The following WEE2 variants were observed in gnomAD, a reference collection of about 807,000 sequenced individuals.
The protein encoded by WEE2 is wee1-like protein kinase 2.
In WEE2, 50 loss-of-function variants were observed where a neutral mutation model predicts 60.1. The ratio of observed to expected loss-of-function variants is 0.83; its 90% CI spans 0.66 to 1.05. The LOEUF is 1.05. WEE2 is among the 50% of genes least tolerant of loss of function. The pLI is 0.00. For synonymous variants in WEE2, 240 were observed against 241.0 expected, an observed-to-expected ratio of 1.00 and a Z score of 0.04; for missense variants, 631 against 684.3, an observed-to-expected ratio of 0.92 and a Z score of 0.87.
At chr7:141,717,817 A>C (rs961818527) in intron 3 of WEE2, among the ~76,000 whole-genome samples, 9 of 152,120 alleles carry the variant, frequency 5.9e-5, no homozygotes, top group African/African-American at 1.7e-4. Flanking sequence ...TAAGAGGGGT[A>C]TGGTGGGTGG....
chr7:141,720,787 A>G (rs1798894926), intron 4 of WEE2, 148 bp from the exon 5 acceptor site: 1 of 893,016 alleles, frequency 1.1e-6, no homozygotes, highest in Admixed American at 2.5e-5. Context: ...ATGATTATTA[A>G]GATTCAATGA....
At chr7:141,728,742 G>T (rs756460426) in intron 10 of WEE2, among the ~76,000 whole-genome samples, 38 of 152,220 alleles carry the variant, frequency 2.5e-4, no homozygotes, top group South Asian at 8.3e-4. Context: ...CTGCATGGCA[G>T]GAGGTGAGCA....
chr7:141,728,535 A>G (rs1263410730), intron 10 of WEE2, among the ~76,000 whole-genome samples: 4 of 152,256 alleles, frequency 2.6e-5, no homozygotes, highest in African/African-American at 9.6e-5. Flanking sequence ...TCACAAGAAT[A>G]TAAGTACCTC....
chr7:141,723,257 T>C lies in WEE2; in HGVS notation c.1004T>C (p.Met335Thr). The C allele has an allele frequency of 6.2e-7, 1 of 1,614,044 alleles. No homozygotes were observed. The change falls in exon 6 of 12, where the codon ATG (methionine) becomes ACG (threonine). Residue 335 changes from methionine to threonine, a missense_variant. Physicochemically the swap from Met to Thr is moderately conservative, Grantham distance 81. Transcript: ENST00000397541. The part of the protein sequence containing the change: ...LGLNYIHNSS[M>T]VHLDIKPSNI... ...CTTAATTACATCCACAACTCTAGCA[T>C]GGTACACCTGGACATCAAACCTAGT...
chr7:141,709,119 A>T lies in WEE2; in HGVS notation c.342+19A>T, dbSNP rs779556291. On this transcript the variant is annotated intron_variant, in intron 1 of 11. Coordinates refer to ENST00000397541, the MANE Select transcript of WEE2 (RefSeq NM_001105558.1). ...TCCCAAAGTAAGTAAGGGGTGGGGG[A>T]AAAAGGGACGCAGGTCGCCAAGCTC... 6.3e-7 allele frequency: 1 copy of T among 1,599,448 alleles called. No individual in the cohort carries two copies. Among genetic ancestry groups the T allele is most frequent in the Non-Finnish European group, 8.5e-7 (1 of 1,170,480 alleles).
chr7:141,717,485 TTAAA>T (rs1227618150), intron 3 of WEE2, among the ~76,000 whole-genome samples: 1 of 152,198 alleles, frequency 6.6e-6, no homozygotes, highest in East Asian at 1.9e-4. Context: ...TTATTGAACA[TTAAA>T]TAAGTGCAAA....
chr7:141,713,670 T>G (rs1452512176), intron 1 of WEE2, among the ~76,000 whole-genome samples: 1 of 152,184 alleles, frequency 6.6e-6, no homozygotes, highest in African/African-American at 2.4e-5. Flanking sequence ...CTATGAAATC[T>G]TTTCCTTACA....
intron 8 of WEE2, 98 bp downstream of exon 8, chr7:141,724,373 C>T (rs1798974323): frequency 2.0e-6 from 2 of 1,006,984 alleles, no homozygotes; most frequent in Admixed American, 2.3e-5. Flanking sequence ...GTATATTTAT[C>T]ATTATAGTAC....
At chr7:141,715,250 A>G (rs1229019076) in intron 2 of WEE2, among the ~76,000 whole-genome samples, 2 of 152,206 alleles carry the variant, frequency 1.3e-5, no homozygotes, top group Non-Finnish European at 2.9e-5. Flanking sequence ...GCTACCAAGA[A>G]TTCGATTGGT....
At chr7:141,719,874 T>C (rs935889915) in intron 4 of WEE2, among the ~76,000 whole-genome samples, 2 of 152,218 alleles carry the variant, frequency 1.3e-5, no homozygotes, top group African/African-American at 4.8e-5. Context: ...GTTTCATTTA[T>C]CAGAAATATT....
chr7:141,716,358 C>T lies in WEE2; in HGVS notation c.585+91C>T. On this transcript the variant is annotated intron_variant, in intron 3 of 11. Coordinates refer to ENST00000397541, the MANE Select transcript of WEE2 (RefSeq NM_001105558.1). ...CCCTCCCCTTCTCCCTCTCTCTCCT[C>T]CCTCCTCCCTTCTTCCCTACCCTCC... The T allele has an allele frequency of 3.3e-6, 4 of 1,223,086 alleles. No homozygotes were observed. In the Admixed American group the frequency reaches 5.7e-5, roughly 17 times the overall value. The allele number at this position is 1,223,086 out of a possible 1,614,324, so 75.8% of individuals were successfully genotyped here.
intron 10 of WEE2, among the ~76,000 whole-genome samples, chr7:141,729,229 A>G (rs55784709): frequency 0.19 from 29,483 of 152,052 alleles, 3,358 homozygotes; most frequent in Admixed American, 0.26. Context: ...TGGTTTATTG[A>G]CCCTGGTACC....
At chr7:141,710,091 G>A (rs1798687885) in intron 1 of WEE2, among the ~76,000 whole-genome samples, 1 of 152,156 alleles carries the variant, frequency 6.6e-6, no homozygotes, top group South Asian at 2.1e-4. Context: ...ATGCTCCGAT[G>A]TCTATCTCTG....
chr7:141,720,605 G>A (rs1798892651), intron 4 of WEE2, among the ~76,000 whole-genome samples: 1 of 152,076 alleles, frequency 6.6e-6, no homozygotes, highest in South Asian at 2.1e-4. Context: ...ATCTGCCATT[G>A]AGGCATAACC....
In WEE2 at chr7:141,725,238, T is replaced by A. The variant is rs748614397; in HGVS notation, c.1392+42T>A. 5 of 1,582,158 alleles carry A rather than the reference T, an allele frequency of 3.2e-6. No individual in the cohort carries two copies. The East Asian group carries it at 1.1e-4, about 36-fold the overall frequency. On this transcript the variant is annotated intron_variant, in intron 9 of 11. Transcript: ENST00000397541. Reference sequence around the variant, plus strand: ...GATGAACAGAAGATGCAATATCTATTTTTTTAGTGCGATGGCAACTAGTTG... The same window carrying A: ...GATGAACAGAAGATGCAATATCTATATTTTTAGTGCGATGGCAACTAGTTG...
chr7:141,723,458 AACAG>A (rs1165177367), intron 6 of WEE2, among the ~76,000 whole-genome samples, 178 bp downstream of exon 6: 3 of 152,182 alleles, frequency 2.0e-5, no homozygotes, highest in Admixed American at 6.5e-5. Context: ...CCCTAGGCCC[AACAG>A]ACATAGAAAA....
intron 5 of WEE2, among the ~76,000 whole-genome samples, chr7:141,722,190 G>C (rs939928215): frequency 6.6e-6 from 1 of 152,150 alleles, no homozygotes; most frequent in Admixed American, 6.5e-5. Context: ...CAGATCACGA[G>C]GTCAGAAGTT....
At chr7:141,717,475 T>A (rs150251595) in intron 3 of WEE2, among the ~76,000 whole-genome samples, 3,774 of 152,326 alleles carry the variant, frequency 0.025, 65 homozygotes, top group Non-Finnish European at 0.041. Flanking sequence ...ATTCTAATAT[T>A]TATTGAACAT....
At chr7:141,719,758 G>A (rs1324895172) in intron 4 of WEE2, among the ~76,000 whole-genome samples, 1 of 152,086 alleles carries the variant, frequency 6.6e-6, no homozygotes, top group Non-Finnish European at 1.5e-5. Flanking sequence ...CAATCATGAT[G>A]TGGTGTTTTG....
Sources: gnomAD v4.1 joint callset for allele counts (sites outside exome capture counted in the v4.1 genomes callset) on GRCh38, gnomAD v4.1.1 for gene constraint, MANE v1.5 for transcripts, NCBI Gene and HGNC (gene_info 2026-07-23, HGNC 2026-07-21) for gene names.